The following DUSP13B variants were observed in gnomAD, a reference collection of about 807,000 sequenced individuals.
The protein encoded by DUSP13B is dual specificity phosphatase 13B, also known as dual specificity protein phosphatase 13B.
the DUSP13B span, chr10:75,108,976 C>T: frequency 7.6e-6 from 12 of 1,570,072 alleles, no homozygotes; most frequent in South Asian, 3.5e-5. Flanking sequence ...TCCACGTCCC[C>T]ACCCCCATGC....
chr10:75,104,217 A>G, the DUSP13B span: 20 of 610,818 alleles, frequency 3.3e-5, no homozygotes, highest in Admixed American at 3.8e-4. Context: ...AGCCCTGTGC[A>G]TAAGGTCAAG....
At chr10:75,098,235 G>A in the DUSP13B span, among the ~76,000 whole-genome samples, 3 of 152,148 alleles carry the variant, frequency 2.0e-5, no homozygotes, top group Non-Finnish European at 4.4e-5. Context: ...GACTTTGTAG[G>A]GATGAAAGCC....
chr10:75,106,941 C>G, the DUSP13B span, among the ~76,000 whole-genome samples: 1 of 152,224 alleles, frequency 6.6e-6, no homozygotes, highest in Admixed American at 6.5e-5. Flanking sequence ...CAGTGAGGGA[C>G]ACAGCTGTCT....
the DUSP13B span, chr10:75,108,055 C>A: frequency 6.2e-7 from 1 of 1,613,872 alleles, no homozygotes; most frequent in Non-Finnish European, 8.5e-7. Context: ...GCACTGATGT[C>A]AAAATCAGGG....
the DUSP13B span, among the ~76,000 whole-genome samples, chr10:75,107,146 G>A: frequency 6.6e-6 from 1 of 152,150 alleles, no homozygotes; most frequent in African/African-American, 2.4e-5. Flanking sequence ...GACCAGCCTC[G>A]CCAACATGGT....
the DUSP13B span, chr10:75,103,986 C>T: frequency 1.5e-6 from 2 of 1,349,176 alleles, no homozygotes; most frequent in South Asian, 1.2e-5. Context: ...CCACGCTGGG[C>T]TTCCACCATC....
the DUSP13B span, among the ~76,000 whole-genome samples, chr10:75,097,249 T>C: frequency 2.0e-5 from 3 of 152,168 alleles, no homozygotes; most frequent in East Asian, 1.9e-4. Context: ...GCTCTTATTG[T>C]CCAGGCTGGA....
chr10:75,103,015 A>C, the DUSP13B span, among the ~76,000 whole-genome samples: 1 of 152,166 alleles, frequency 6.6e-6, no homozygotes, highest in African/African-American at 2.4e-5. Context: ...CGGGAAGCTG[A>C]GGTGGGAGAA....
chr10:75,098,286 C>G, the DUSP13B span, among the ~76,000 whole-genome samples: 4 of 152,180 alleles, frequency 2.6e-5, no homozygotes, highest in Non-Finnish European at 5.9e-5. Flanking sequence ...GAAGCCCCCA[C>G]CAACCTAAGC....
chr10:75,106,848 T>C, the DUSP13B span, among the ~76,000 whole-genome samples: 11 of 152,324 alleles, frequency 7.2e-5, no homozygotes, highest in African/African-American at 2.6e-4. Flanking sequence ...TAAAAAGTCA[T>C]GTGAGCTGTA....
the DUSP13B span, chr10:75,101,956 C>A: frequency 7.3e-7 from 1 of 1,367,642 alleles, no homozygotes; most frequent in South Asian, 1.1e-5. Context: ...ACACTTGATG[C>A]TGTTTCTATT....
At chr10:75,108,004 T>G in the DUSP13B span, 44 of 1,612,514 alleles carry the variant, frequency 2.7e-5, no homozygotes, top group East Asian at 8.5e-4. Flanking sequence ...CCAGGCGTGT[T>G]GAGGGCACGG....
At chr10:75,108,308 G>A in the DUSP13B span, 18 of 1,487,160 alleles carry the variant, frequency 1.2e-5, no homozygotes, top group Non-Finnish European at 1.5e-5. Flanking sequence ...AGCCATTAGG[G>A]TCCAAAGAGA....
At chr10:75,094,573 G>T in the DUSP13B span, 1 of 1,318,792 alleles carries the variant, frequency 7.6e-7, no homozygotes, top group Non-Finnish European at 1.0e-6. Flanking sequence ...GCCCCCACTT[G>T]CTGTTTACAT....
the DUSP13B span, among the ~76,000 whole-genome samples, chr10:75,097,519 T>C: frequency 6.6e-6 from 1 of 152,200 alleles, no homozygotes; most frequent in Non-Finnish European, 1.5e-5. Context: ...CCTGTGCACT[T>C]TTCTTATGTG....
At chr10:75,101,782 C>T in the DUSP13B span, 1 of 875,860 alleles carries the variant, frequency 1.1e-6, no homozygotes. Context: ...CCCCTCCCCA[C>T]ACAGGCACAA....
chr10:75,099,687 G>T, the DUSP13B span: 1 of 514,284 alleles, frequency 1.9e-6, no homozygotes, highest in African/African-American at 2.0e-5. Flanking sequence ...GAAGACCGTT[G>T]GTTCCATAAA....
At chr10:75,098,092 C>T in the DUSP13B span, among the ~76,000 whole-genome samples, 5 of 152,246 alleles carry the variant, frequency 3.3e-5, no homozygotes, top group Admixed American at 3.3e-4. Flanking sequence ...GCCTTTGTCA[C>T]TGCTATGGAG....
At chr10:75,105,798 C>T in the DUSP13B span, 1 of 1,550,984 alleles carries the variant, frequency 6.4e-7, no homozygotes, top group South Asian at 1.2e-5. Flanking sequence ...GCCGCTGGTG[C>T]AGCATGAGGT....
Sources: allele counts gnomAD v4.1 joint callset (sites outside exome capture counted in the v4.1 genomes callset), GRCh38; gene constraint gnomAD v4.1.1; transcripts MANE v1.5; gene names NCBI Gene and HGNC (gene_info 2026-07-23, HGNC 2026-07-21).